CTNND2: variants seen among roughly 807,000 people sequenced by gnomAD.
CTNND2 encodes catenin delta-2.
CTNND2 carries 22 observed loss-of-function variants against 144.4 expected under a neutral mutation model. That is an observed-to-expected ratio of 0.15 (90% confidence interval 0.11 to 0.22). The LOEUF (loss-of-function observed/expected upper bound fraction) is 0.22. Ranked by LOEUF, CTNND2 falls within the 10% of genes least tolerant of loss-of-function variation. CTNND2 has a pLI of 1.00. For synonymous variants in CTNND2, 751 were observed against 695.6 expected (o/e 1.08, Z -1.25); for missense variants, 1,353 against 1,618.8 (o/e 0.84, Z 2.82).
At chr5:11,770,074 T>G (rs1038766089) in intron 1 of CTNND2, among the ~76,000 whole-genome samples, 1 of 152,076 alleles carries the variant, frequency 6.6e-6, no homozygotes, top group Non-Finnish European at 1.5e-5. Flanking sequence ...CTGAGAAGTA[T>G]TACCACCATG....
chr5:11,810,869 T>TTA (rs1350505152), intron 1 of CTNND2, among the ~76,000 whole-genome samples: 2 of 151,614 alleles, frequency 1.3e-5, no homozygotes, highest in East Asian at 1.9e-4. Flanking sequence ...CCTATTTTTT[T>TTA]AAAAAAAAAG....
chr5:11,084,485 C>G (rs1388080242), intron 15 of CTNND2, among the ~76,000 whole-genome samples: 1 of 152,118 alleles, frequency 6.6e-6, no homozygotes, highest in Admixed American at 6.5e-5. Flanking sequence ...AGGAGAGAAG[C>G]TAGAAAAAGG....
chr5:11,150,002 G>C (rs999798868), intron 12 of CTNND2, among the ~76,000 whole-genome samples: 16 of 152,108 alleles, frequency 1.1e-4, no homozygotes, highest in Admixed American at 6.5e-4. Flanking sequence ...TCTCAATTCT[G>C]TTTCCAGAAT....
chr5:11,494,547 T>C (rs1430398052), intron 3 of CTNND2, among the ~76,000 whole-genome samples: 9 of 152,178 alleles, frequency 5.9e-5, no homozygotes, highest in Non-Finnish European at 1.0e-4. Flanking sequence ...TGAACTCCCC[T>C]GAAGCATTCG....
chr5:11,195,284 T>C (rs1023264467), intron 11 of CTNND2, among the ~76,000 whole-genome samples: 7 of 152,226 alleles, frequency 4.6e-5, no homozygotes, highest in African/African-American at 1.7e-4. Context: ...ATTGTGTATC[T>C]AGTAAACATC....
chr5:11,883,949 C>T (rs1736322905), intron 1 of CTNND2, among the ~76,000 whole-genome samples: 2 of 152,140 alleles, frequency 1.3e-5, no homozygotes, highest in South Asian at 4.1e-4. Context: ...GAGCTTTTTT[C>T]ATATGTTTGT....
intron 2 of CTNND2, among the ~76,000 whole-genome samples, chr5:11,574,784 T>C (rs1283552646): frequency 1.3e-5 from 2 of 152,196 alleles, no homozygotes; most frequent in Non-Finnish European, 2.9e-5. Context: ...TCTTTGCCTA[T>C]ACTTATACCA....
chr5:11,372,108 C>T (rs1279906755), intron 7 of CTNND2, among the ~76,000 whole-genome samples: 14 of 152,054 alleles, frequency 9.2e-5, no homozygotes, highest in African/African-American at 2.2e-4. Flanking sequence ...TGAGGTTTTC[C>T]GATACAATTT....
intron 3 of CTNND2, among the ~76,000 whole-genome samples, chr5:11,525,276 C>T (rs1028322373): frequency 6.6e-6 from 1 of 152,074 alleles, no homozygotes; most frequent in African/African-American, 2.4e-5. Context: ...AACAGGAAAC[C>T]GCCTCTTTGT....
chr5:11,554,749 A>G (rs1776065639), intron 3 of CTNND2, among the ~76,000 whole-genome samples: 1 of 152,074 alleles, frequency 6.6e-6, no homozygotes, highest in Admixed American at 6.6e-5. Flanking sequence ...CCATAGTTCC[A>G]CATTCGGAGG....
chr5:11,288,531 G>A (rs192077571), intron 9 of CTNND2, among the ~76,000 whole-genome samples: 107 of 152,170 alleles, frequency 7.0e-4, no homozygotes, highest in African/African-American at 2.4e-3. Context: ...AACCTATACC[G>A]TGGGCTTGCT....
intron 1 of CTNND2, among the ~76,000 whole-genome samples, chr5:11,870,450 T>C (rs1341364762): frequency 3.3e-5 from 5 of 152,212 alleles, no homozygotes; most frequent in Non-Finnish European, 7.3e-5. Flanking sequence ...GGTACACTCA[T>C]GAGCGAGCTG....
At chr5:11,820,838 G>A (rs1233370345) in intron 1 of CTNND2, among the ~76,000 whole-genome samples, 1 of 152,162 alleles carries the variant, frequency 6.6e-6, no homozygotes, top group Non-Finnish European at 1.5e-5. Flanking sequence ...TTGAAGTAAT[G>A]AAAGGTTCAT....
chr5:11,704,460 T>C (rs1785601744), intron 2 of CTNND2, among the ~76,000 whole-genome samples: 1 of 152,190 alleles, frequency 6.6e-6, no homozygotes, highest in Non-Finnish European at 1.5e-5. Flanking sequence ...AGTTGCTACC[T>C]GGCAGAGTGT....
intron 1 of CTNND2, among the ~76,000 whole-genome samples, chr5:11,776,914 C>G (rs115630596): frequency 0.015 from 2,208 of 152,230 alleles, 42 homozygotes; most frequent in African/African-American, 0.051. Context: ...CATAATAAAT[C>G]ATTAGGCAAG....
At chr5:11,203,200 A>T (rs539699666) in intron 10 of CTNND2, among the ~76,000 whole-genome samples, 8 of 152,256 alleles carry the variant, frequency 5.3e-5, no homozygotes, top group African/African-American at 1.9e-4. Context: ...TATTTTAAAC[A>T]CTTAAAATGT....
At chr5:11,718,619 T>A (rs78131817) in intron 2 of CTNND2, among the ~76,000 whole-genome samples, 8 of 149,548 alleles carry the variant, frequency 5.3e-5, no homozygotes, top group African/African-American at 1.5e-4. Flanking sequence ...TTTCTTTTTT[T>A]ACAAAAAAAA....
At chr5:11,269,165 T>A (rs1262299587) in intron 9 of CTNND2, among the ~76,000 whole-genome samples, 1 of 151,966 alleles carries the variant, frequency 6.6e-6, no homozygotes, top group Non-Finnish European at 1.5e-5. Flanking sequence ...AGCTGTAAAA[T>A]GGAAAAATAA....
At position 11,159,672 on chromosome 5, in the gene CTNND2, A is replaced by G; in HGVS notation, c.2063T>C (p.Ile688Thr). The change falls in exon 12 of 22, where the codon ATC (isoleucine) becomes ACC (threonine). Residue 688 changes from isoleucine to threonine, a missense_variant. By Grantham distance (89) the Ile-to-Thr change is moderately conservative. Around this residue, in one of 4 missense-constraint regions of CTNND2, gnomAD observed 117 missense variants for 117.8 expected, o/e 0.99. Transcript: ENST00000304623. ...CGAATTTTCCCAGCCTGAGTGGGGG[A>G]TAATCACCGCGTTGGTCAGTACTGC... ...ALAVLTNAVI[I>T]PHSGWENSPL... 1 of 1,613,510 alleles carries G rather than the reference A, an allele frequency of 6.2e-7. No individual in the cohort carries two copies.
Sources: gnomAD v4.1 joint callset for allele counts (sites outside exome capture counted in the v4.1 genomes callset) on GRCh38, gnomAD v4.1.1 for gene constraint, gnomAD v4.1.1 regional missense constraint, MANE v1.5 for transcripts, NCBI Gene and HGNC (gene_info 2026-07-23, HGNC 2026-07-21) for gene names.